NRXN3: variants seen among roughly 807,000 people sequenced by gnomAD.
NRXN3 encodes neurexin 3.
NRXN3 carries 32 observed loss-of-function variants against 137.6 expected under a neutral mutation model. The observed-to-expected ratio is 0.23, with a 90% CI of 0.18 to 0.31. NRXN3 has a LOEUF of 0.31. Ranked by LOEUF, NRXN3 falls within the 10% of genes least tolerant of loss-of-function variation. The probability of loss-of-function intolerance (pLI) is 1.00; values close to 1 mark genes in which losing one functional copy is unlikely to be tolerated. For synonymous variants in NRXN3, 798 were observed against 784.5 expected (o/e 1.02, Z -0.29); for missense variants, 1,574 against 2,062.5 (o/e 0.76, Z 4.59).
intron 19 of NRXN3, among the ~76,000 whole-genome samples, chr14:79,769,678 G>T (rs889052500): frequency 2.6e-4 from 39 of 151,990 alleles, no homozygotes; most frequent in East Asian, 5.8e-4. Context: ...CATGCCAAAA[G>T]GTAAAGACCA....
chr14:78,506,643 GTTTTTTTTTTTTTTTTTT>G (rs71131653), intron 4 of NRXN3, among the ~76,000 whole-genome samples: 3 of 105,356 alleles, frequency 2.8e-5, no homozygotes, highest in African/African-American at 3.6e-5. Context: ...TCTCATTGTA[GTTTTTTTTTTTTTTTTTT>G]TTTTTTTTTT....
chr14:79,786,066 C>T (rs2099128535), intron 19 of NRXN3, among the ~76,000 whole-genome samples: 2 of 152,130 alleles, frequency 1.3e-5, no homozygotes, highest in African/African-American at 4.8e-5. Context: ...GCACTGTGGC[C>T]ACTGTCTGAT....
intron 8 of NRXN3, among the ~76,000 whole-genome samples, chr14:78,734,315 G>T (rs2152910227): frequency 6.6e-6 from 1 of 150,886 alleles, no homozygotes; most frequent in Non-Finnish European, 1.5e-5. Context: ...AATGAATTTT[G>T]GATGCAAGAT....
Position 78,438,094 on chromosome 14 carries a change from A to G in NRXN3, c.757+140234A>G, listed in dbSNP as rs147561403. ...GAGGGACAGATTCTTTGGATGTTTTATAGTAAAATTGACAGGATATGGTAG... is the reference window on the plus strand; with the variant it reads ...GAGGGACAGATTCTTTGGATGTTTTGTAGTAAAATTGACAGGATATGGTAG... On this transcript the variant is annotated intron_variant, in intron 4 of 20. Transcript: ENST00000335750. Among the ~76,000 whole-genome samples the G allele has an allele frequency of 2.9e-3, 439 of 152,270 alleles. 3 individuals carry two copies. The highest frequency in any genetic ancestry group is 0.01 in the African/African-American group (420 of 41,558).
intron 16 of NRXN3, among the ~76,000 whole-genome samples, chr14:79,513,244 CGT>C (rs1314346302): frequency 6.6e-6 from 1 of 152,164 alleles, no homozygotes; most frequent in Non-Finnish European, 1.5e-5. Flanking sequence ...TTTCTTGACT[CGT>C]GCAGTAATGG....
intron 4 of NRXN3, among the ~76,000 whole-genome samples, chr14:78,417,350 C>T (rs1157693296): frequency 6.6e-6 from 1 of 152,228 alleles, no homozygotes; most frequent in African/African-American, 2.4e-5. Flanking sequence ...CTGACTCTGA[C>T]CTCCTTTGCC....
At chr14:78,836,606 C>T (rs2098997741) in intron 10 of NRXN3, among the ~76,000 whole-genome samples, 1 of 152,116 alleles carries the variant, frequency 6.6e-6, no homozygotes, top group South Asian at 2.1e-4. Context: ...ACATGGTGCT[C>T]TAATTTGGAG....
intron 16 of NRXN3, among the ~76,000 whole-genome samples, chr14:79,551,030 T>C (rs2097368000): frequency 6.6e-6 from 1 of 152,214 alleles, no homozygotes; most frequent in African/African-American, 2.4e-5. Flanking sequence ...GAGTCCCAGC[T>C]AAGGCATTTA....
At chr14:79,023,891 AG>A (rs574299619) in intron 15 of NRXN3, among the ~76,000 whole-genome samples, 87 of 152,212 alleles carry the variant, frequency 5.7e-4, no homozygotes, top group African/African-American at 1.8e-3. Context: ...AACCATTATC[AG>A]GAGGGGTGCC....
chr14:79,816,761 A>T (rs939306866), intron 20 of NRXN3, among the ~76,000 whole-genome samples: 12 of 152,232 alleles, frequency 7.9e-5, no homozygotes, highest in Non-Finnish European at 1.6e-4. Flanking sequence ...CCAACTGCAC[A>T]GTGAAATATG....
At chr14:79,704,358 T>C (rs1333182757) in intron 19 of NRXN3, among the ~76,000 whole-genome samples, 1 of 152,130 alleles carries the variant, frequency 6.6e-6, no homozygotes, top group Non-Finnish European at 1.5e-5. Flanking sequence ...AGATCCACCT[T>C]ATCCCCAAAT....
intron 15 of NRXN3, among the ~76,000 whole-genome samples, chr14:79,387,291 A>G (rs1345268674): frequency 4.6e-5 from 7 of 152,224 alleles, no homozygotes; most frequent in African/African-American, 1.7e-4. Flanking sequence ...AAGTGGGCAA[A>G]GGATATGAAC....
chr14:78,908,368 C>T (rs2152769402), intron 10 of NRXN3, among the ~76,000 whole-genome samples: 1 of 152,090 alleles, frequency 6.6e-6, no homozygotes, highest in Middle Eastern at 3.4e-3. Context: ...TTAAATACAT[C>T]TGATCCTATC....
At chr14:78,931,356 ATACTGT>A (rs1179905023) in intron 10 of NRXN3, among the ~76,000 whole-genome samples, 14 of 152,188 alleles carry the variant, frequency 9.2e-5, no homozygotes, top group South Asian at 2.1e-4. Context: ...CCTACCAGCA[ATACTGT>A]TCTCTGTCCT....
chr14:78,734,584 CA>C, intron 8 of NRXN3, among the ~76,000 whole-genome samples: 1 of 152,262 alleles, frequency 6.6e-6, no homozygotes, highest in Non-Finnish European at 1.5e-5. Flanking sequence ...AACAACTAAA[CA>C]TGCAATTTCA....
chr14:79,145,102 C>G (rs1196984092), intron 15 of NRXN3, among the ~76,000 whole-genome samples: 1 of 152,088 alleles, frequency 6.6e-6, no homozygotes, highest in Non-Finnish European at 1.5e-5. Flanking sequence ...GCCCTGTCTG[C>G]TCATCAAGGG....
At chr14:79,651,486 C>T (rs1382979999) in intron 16 of NRXN3, among the ~76,000 whole-genome samples, 2 of 151,808 alleles carry the variant, frequency 1.3e-5, no homozygotes, top group African/African-American at 4.8e-5. Context: ...TGGAGGAAGA[C>T]ATAGAACATA....
intron 15 of NRXN3, among the ~76,000 whole-genome samples, chr14:79,176,319 G>A (rs1364636481): frequency 6.6e-6 from 1 of 152,186 alleles, no homozygotes; most frequent in Non-Finnish European, 1.5e-5. Context: ...TTGTAAACCT[G>A]AAAGTGTGCT....
intron 4 of NRXN3, among the ~76,000 whole-genome samples, chr14:78,545,571 A>G (rs1285949818): frequency 6.6e-6 from 1 of 152,188 alleles, no homozygotes; most frequent in Non-Finnish European, 1.5e-5. Flanking sequence ...GTTTTATAAA[A>G]TGGGATATTA....
Sources: gnomAD v4.1 joint callset for allele counts (sites outside exome capture counted in the v4.1 genomes callset) on GRCh38, gnomAD v4.1.1 for gene constraint, MANE v1.5 for transcripts, NCBI Gene and HGNC (gene_info 2026-07-23, HGNC 2026-07-21) for gene names.